Variants in TSPAN33 observed in about 807,000 individuals in gnomAD.
TSPAN33 encodes tetraspanin-33.
TSPAN33 carries 27 observed loss-of-function variants against 34.8 expected under a neutral mutation model. The ratio of observed to expected loss-of-function variants is 0.78; its 90% CI spans 0.57 to 1.07. The LOEUF is 1.07. Ranked by LOEUF, TSPAN33 falls within the 50% of genes least tolerant of loss-of-function variation. The pLI is 0.00. For missense variants in TSPAN33, 272 were observed against 324.9 expected, an observed-to-expected ratio of 0.84 and a Z score of 1.25; for synonymous variants, 119 against 124.2, an observed-to-expected ratio of 0.96 and a Z score of 0.28.
chr7:129,159,053 AT>A (rs1338442187), intron 1 of TSPAN33, among the ~76,000 whole-genome samples: 1 of 139,884 alleles, frequency 7.1e-6, no homozygotes, highest in Non-Finnish European at 1.5e-5. Context: ...CCGGCCCCAC[AT>A]TTTCTTTTTC....
rs1003548949 is a variant in TSPAN33, at chr7:129,167,006, G to A, written c.588+100G>A. ...GGGATCCCCATCCCCTAGCTTCACC[G>A]ATCAGTCATGTGGGACAGCTGTCAG... On this transcript the variant is annotated intron_variant, in intron 6 of 7. Transcript: ENST00000486685. This position sits in a 1 kb window ranked among gnomAD's most constrained non-coding sequence, Gnocchi z 4.6. The A allele has an allele frequency of 1.1e-5, 16 of 1,403,540 alleles. No individual in the cohort carries two copies. Among genetic ancestry groups the A allele is most frequent in the South Asian group, 2.6e-5 (2 of 75,502 alleles). 86.9% of individuals were successfully genotyped at this position (1,403,540 alleles called of 1,614,324 possible). A position where few individuals can be genotyped will look rare whatever the true frequency, so the allele number is the denominator to read the frequency against.
chr7:129,156,163 T>C (rs555179415), intron 1 of TSPAN33, among the ~76,000 whole-genome samples: 1 of 152,312 alleles, frequency 6.6e-6, no homozygotes, highest in East Asian at 1.9e-4. Context: ...TGTCCCTTTA[T>C]TGGAACTTGC....
intron 1 of TSPAN33, among the ~76,000 whole-genome samples, chr7:129,159,889 C>T (rs995401966): frequency 1.5e-4 from 23 of 152,098 alleles, no homozygotes; most frequent in Non-Finnish European, 2.9e-4. Context: ...GGGAAGAGAC[C>T]GGGGCCAGCT....
At chr7:129,162,134 C>T (rs1443442073) in intron 2 of TSPAN33, among the ~76,000 whole-genome samples, 4 of 152,222 alleles carry the variant, frequency 2.6e-5, no homozygotes, top group Non-Finnish European at 4.4e-5. Context: ...AATTCTTTTG[C>T]GGAGCGAAAG....
At chr7:129,164,679 C>A in intron 5 of TSPAN33, 110 bp downstream of exon 5, 2 of 1,040,016 alleles carry the variant, frequency 1.9e-6, no homozygotes, top group Non-Finnish European at 3.0e-6. Flanking sequence ...CAGGTAATGG[C>A]TTCTGGGAAG....
intron 3 of TSPAN33, 121 bp from the exon 4 acceptor site, chr7:129,162,712 G>T (rs1793071584): frequency 7.1e-7 from 1 of 1,414,626 alleles, no homozygotes; most frequent in African/African-American, 1.4e-5. Context: ...AGAGGCAGCT[G>T]CCTTTCTCAT....
At position 129,167,677 on chromosome 7, in the gene TSPAN33, G is replaced by C. The variant is rs1793163014; in HGVS notation, c.751-96G>C. 3.2e-6 allele frequency: 5 copies of C among 1,563,050 alleles called. No individual in the cohort carries two copies. The Admixed American group carries it at 8.4e-5, about 26-fold the overall frequency. ...GGCACTGACATGGCTGAGGGGTAGG[G>C]AAAGGGATAGTGCTGGCCGCACTGG... On this transcript the variant is annotated intron_variant, in intron 7 of 7. Transcript: ENST00000486685. The surrounding 1 kb of genome is among the most constrained non-coding windows in gnomAD (Gnocchi z 4.6).
At chr7:129,149,877 G>A (rs1259980377) in intron 1 of TSPAN33, among the ~76,000 whole-genome samples, 6 of 152,220 alleles carry the variant, frequency 3.9e-5, no homozygotes, top group Non-Finnish European at 7.3e-5. Context: ...TAACAGCAGC[G>A]CCATGGAGAG....
At chr7:129,147,745 T>C (rs573545954) in intron 1 of TSPAN33, among the ~76,000 whole-genome samples, 1 of 152,314 alleles carries the variant, frequency 6.6e-6, no homozygotes, top group African/African-American at 2.4e-5. Flanking sequence ...TGGAACCCAC[T>C]AGGAAGGTGT....
chr7:129,161,848 C>A (rs746295969), intron 2 of TSPAN33, 112 bp downstream of exon 2: 75 of 1,355,060 alleles, frequency 5.5e-5, no homozygotes, highest in Non-Finnish European at 7.4e-5. Context: ...AGGCAGCCTC[C>A]CTGGAGCCAA....
chr7:129,146,234 G>A (rs551735000), intron 1 of TSPAN33, among the ~76,000 whole-genome samples: 1 of 152,310 alleles, frequency 6.6e-6, no homozygotes, highest in South Asian at 2.1e-4. Context: ...GGCCCGTGGG[G>A]TGAGGTGCAG....
At chr7:129,152,270 T>G (rs1222817497) in intron 1 of TSPAN33, among the ~76,000 whole-genome samples, 2 of 152,224 alleles carry the variant, frequency 1.3e-5, no homozygotes, top group African/African-American at 2.4e-5. Context: ...ACAAGACCTT[T>G]TACATGAATG....
chr7:129,162,738 G>A (rs564929389), intron 3 of TSPAN33, 95 bp from the exon 4 acceptor site: 103 of 1,481,252 alleles, frequency 7.0e-5, no homozygotes, highest in Middle Eastern at 1.8e-4. Flanking sequence ...GGGCATCTGG[G>A]AGAATTGCCT....
At chr7:129,161,825 A>G in intron 2 of TSPAN33, 89 bp downstream of exon 2, 2 of 1,551,104 alleles carry the variant, frequency 1.3e-6, no homozygotes, top group South Asian at 1.1e-5. Context: ...CACATAAGCT[A>G]TGGGGCTAAA....
Position 129,162,690 on chromosome 7 carries a change from A to C in TSPAN33, c.289-143A>C, listed in dbSNP as rs940962986. On this transcript the variant is annotated intron_variant, in intron 3 of 7. Coordinates refer to ENST00000486685, the MANE Select transcript of TSPAN33 (RefSeq NM_178562.5). ...ACCCAGCACAGGGTGGCCACCCCCA[A>C]GACAGTGTCCCAGAGGCAGCTGCCT... The C allele has an allele frequency of 1.4e-5, 19 of 1,396,782 alleles. No homozygotes were observed. The Admixed American group carries it at 2.0e-4, about 15-fold the overall frequency. 86.5% of individuals were successfully genotyped at this position (1,396,782 alleles called of 1,614,324 possible). A position where few individuals can be genotyped will look rare whatever the true frequency, so the allele number is the denominator to read the frequency against.
In TSPAN33 at chr7:129,167,471, A is replaced by G. The variant is rs1793160492; in HGVS notation, c.661A>G (p.Thr221Ala). The G allele has an allele frequency of 1.2e-6, 2 of 1,614,112 alleles. No individual in the cohort carries two copies. Among genetic ancestry groups the G allele is most frequent in the East Asian group, 2.2e-5 (1 of 44,902 alleles). The stretch of plus-strand genomic sequence containing the variant: ...CTTGGAAGCTAGCAAAGTCATCTAC[A>G]CCAATGGCTGTATTGACAAGTTGGT... Reference protein sequence around the residue: ...DYLEASKVIYTNGCIDKLVNW... With the variant: ...DYLEASKVIYANGCIDKLVNW... Residue 221 changes from threonine to alanine, a missense_variant, in exon 7 of 8, where the codon ACC (threonine) becomes GCC (alanine). By Grantham distance (58) the Thr-to-Ala change is moderately conservative. Coordinates refer to ENST00000486685, the MANE Select transcript of TSPAN33 (RefSeq NM_178562.5). The surrounding 1 kb of genome is among the most constrained non-coding windows in gnomAD (Gnocchi z 4.6).
intron 1 of TSPAN33, among the ~76,000 whole-genome samples, chr7:129,147,904 A>G (rs561278266): frequency 1.3e-5 from 2 of 152,144 alleles, no homozygotes; most frequent in East Asian, 1.9e-4. Context: ...CCTACTGTTC[A>G]TGTTTCAAAT....
At position 129,162,866 on chromosome 7, in the gene TSPAN33, C is replaced by T; in HGVS notation, c.322C>T (p.Gln108Ter). The T allele has an allele frequency of 6.2e-7, 1 of 1,613,954 alleles. No homozygotes were observed. Among genetic ancestry groups the T allele is most frequent in the South Asian group, 1.1e-5 (1 of 91,080 alleles). ...CTGCCTCACCGCTGTGTTCCTGCTG[C>T]AGCTGGCCGCTGGGATCCTGGGCTT... is the stretch of plus-strand genomic sequence containing the variant. ...SLCLTAVFLL[Q>*]LAAGILGFVF... Residue 108 changes from glutamine to a stop codon, truncating the protein, a stop_gained, in exon 4 of 8, where the codon CAG (glutamine) becomes TAG (stop). Transcript: ENST00000486685. LOFTEE classifies it high-confidence loss of function.
At chr7:129,157,309 G>T (rs1486896985) in intron 1 of TSPAN33, among the ~76,000 whole-genome samples, 1 of 152,046 alleles carries the variant, frequency 6.6e-6, no homozygotes, top group Non-Finnish European at 1.5e-5. Flanking sequence ...GTGATGCTAT[G>T]AACAGCAGCA....
Sources: gnomAD v4.1 joint callset for allele counts (sites outside exome capture counted in the v4.1 genomes callset) on GRCh38, gnomAD v4.1.1 for gene constraint, Gnocchi (gnomAD v3.1) non-coding constraint, MANE v1.5 for transcripts, NCBI Gene and HGNC (gene_info 2026-07-23, HGNC 2026-07-21) for gene names.